Variants in ANKRD11 observed in about 807,000 individuals in gnomAD.
ANKRD11 encodes the protein ankyrin repeat domain-containing protein 11.
A neutral mutation model predicts 195.7 loss-of-function variants in ANKRD11; 17 were observed. That is an observed-to-expected ratio of 0.09 (90% CI 0.06 to 0.13). ANKRD11 has a LOEUF of 0.13. Ranked by LOEUF, ANKRD11 falls within the 10% of genes least tolerant of loss-of-function variation. The pLI is 1.00. For missense variants in ANKRD11, 3,735 were observed against 3,566.1 expected, an observed-to-expected ratio of 1.05 and a Z score of -1.21; for synonymous variants, 1,953 against 1,528.1, an observed-to-expected ratio of 1.28 and a Z score of -6.49.
intron 2 of ANKRD11, among the ~76,000 whole-genome samples, chr16:89,387,260 G>C (rs1392308176): frequency 2.0e-5 from 3 of 152,032 alleles, no homozygotes; most frequent in Non-Finnish European, 4.4e-5. Flanking sequence ...TCAAGGGAGA[G>C]GCCTGAATGG....
Position 89,283,483 on chromosome 16 carries a change from T to C in ANKRD11, c.3059A>G (p.Lys1020Arg), listed in dbSNP as rs775089317. 6.2e-7 allele frequency: 1 copy of C among 1,614,188 alleles called. No individual in the cohort carries two copies. The highest frequency in any genetic ancestry group is 1.1e-5 in the South Asian group (1 of 91,084). ...GTATCTTTCTGGTTTTGTCTTCTCC[T>C]TCCTTTCCTTATCGGGGCCATCCTT... ...EKKDGPDKER[K>R]EKTKPERYKE... is the part of the protein sequence containing the mutation. Residue 1020 changes from lysine (K) to arginine (R), a missense_variant, in exon 9 of 13, where the codon AAG (lysine) becomes AGG (arginine). Lys to Arg is a conservative substitution (Grantham distance 26). Transcript: ENST00000301030. This position sits in a 1 kb window ranked among gnomAD's most constrained non-coding sequence, Gnocchi z 4.3.
chr16:89,366,640 C>T (rs1042293695), intron 2 of ANKRD11, among the ~76,000 whole-genome samples: 13 of 152,184 alleles, frequency 8.5e-5, no homozygotes, highest in African/African-American at 2.7e-4. Context: ...TTGGCTAACC[C>T]GAGCTGTTTC....
At chr16:89,286,251 TA>T (rs1339390642) in intron 7 of ANKRD11, 65 bp from the exon 8 acceptor site, 33 of 1,596,162 alleles carry the variant, frequency 2.1e-5, no homozygotes, top group Non-Finnish European at 2.8e-5. Context: ...CCGTTCCGCA[TA>T]ACACGGCAGC....
At chr16:89,346,758 T>A (rs1225194081) in intron 2 of ANKRD11, among the ~76,000 whole-genome samples, 1 of 152,238 alleles carries the variant, frequency 6.6e-6, no homozygotes, top group Non-Finnish European at 1.5e-5. Flanking sequence ...AATGTATTTA[T>A]ATTTATCGCT....
chr16:89,358,926 A>G (rs2039608878), intron 2 of ANKRD11, among the ~76,000 whole-genome samples: 1 of 152,142 alleles, frequency 6.6e-6, no homozygotes, highest in Non-Finnish European at 1.5e-5. Flanking sequence ...CCTGGGCTCA[A>G]GTGATCCTCC....
At chr16:89,355,724 G>A (rs1008021719) in intron 2 of ANKRD11, among the ~76,000 whole-genome samples, 2 of 152,214 alleles carry the variant, frequency 1.3e-5, no homozygotes, top group African/African-American at 4.8e-5. Context: ...ATCTTGTTAT[G>A]AGCATCCACC....
Position 89,283,156 on chromosome 16 carries a change from C to A in ANKRD11, c.3386G>T (p.Ser1129Ile), listed in dbSNP as rs2034403908. 1 of 1,614,066 alleles carries A rather than the reference C, an allele frequency of 6.2e-7. No homozygotes were observed. Among genetic ancestry groups the A allele is most frequent in the Non-Finnish European group, 8.5e-7 (1 of 1,180,034 alleles). Residue 1129 changes from serine to isoleucine, a missense_variant, in exon 9 of 13, where the codon AGC becomes ATC. By Grantham distance (142) the Ser-to-Ile change is moderately radical. Coordinates refer to ENST00000301030, the MANE Select transcript of ANKRD11 (RefSeq NM_013275.6). The surrounding 1 kb of genome is among the most constrained non-coding windows in gnomAD (Gnocchi z 4.3). ...CATCTTGAACCCGCTCCCCATGCAG[C>A]TGTCTCTGTCGTCCTCACTCTCATC... is the stretch of plus-strand genomic sequence containing the variant. ...FTDESEDDRDSCMGSGFKMGE... is the reference protein window; with the variant it reads ...FTDESEDDRDICMGSGFKMGE...
intron 2 of ANKRD11, among the ~76,000 whole-genome samples, chr16:89,343,112 C>T (rs1018334293): frequency 1.3e-5 from 2 of 152,122 alleles, no homozygotes; most frequent in African/African-American, 2.4e-5. Context: ...CCTCAGCCTC[C>T]CGAGTAGCTG....
rs143296777 is a variant in ANKRD11 at position 89,356,018 on chromosome 16, C to T, written c.-59-38940G>A. Among the ~76,000 whole-genome samples the T allele has an allele frequency of 7.5e-3, 1,147 of 152,260 alleles. 12 individuals are homozygous for T. The highest frequency in any genetic ancestry group is 0.024 in the African/African-American group (1,013 of 41,556). ...ATGAGCCCCGCCCTGGGGGCTGAGGCGACAGTGAGCCCAGATAGCGCCCCT... is the reference window on the plus strand; with the variant it reads ...ATGAGCCCCGCCCTGGGGGCTGAGGTGACAGTGAGCCCAGATAGCGCCCCT... On this transcript the variant is annotated intron_variant, in intron 2 of 12. Coordinates refer to ENST00000301030, the MANE Select transcript of ANKRD11 (RefSeq NM_013275.6).
chr16:89,406,401 C>A (rs1009079942), intron 2 of ANKRD11, among the ~76,000 whole-genome samples: 1 of 152,208 alleles, frequency 6.6e-6, no homozygotes, highest in East Asian at 1.9e-4. Flanking sequence ...CCAGCCGGCG[C>A]GCTCTGAGAC....
At position 89,365,778 on chromosome 16, in the gene ANKRD11, A is replaced by G. The variant is rs376379658; in HGVS notation, c.-59-48700T>C. The stretch of plus-strand genomic sequence containing the variant: ...GTTACGTAGGTAAACTTGTGTCATC[A>G]GGGTTTGTTGAACAGACTATTTCAT... On this transcript the variant is annotated intron_variant, in intron 2 of 12. Coordinates refer to ENST00000301030, the MANE Select transcript of ANKRD11 (RefSeq NM_013275.6). Among the ~76,000 whole-genome samples, 116 of 152,200 alleles carry G rather than the reference A, an allele frequency of 7.6e-4. 2 individuals are homozygous for G. The South Asian group carries it at 0.024, about 31-fold the overall frequency.
At chr16:89,278,496 G>A (rs1312058183) in intron 9 of ANKRD11, 1 of 456,030 alleles carries the variant, frequency 2.2e-6, no homozygotes, top group Admixed American at 2.3e-5. Context: ...AGCCTGCAGA[G>A]GTAGGGATGA....
At chr16:89,453,397 A>G (rs2056280840) in intron 1 of ANKRD11, among the ~76,000 whole-genome samples, 1 of 152,212 alleles carries the variant, frequency 6.6e-6, no homozygotes, top group Admixed American at 6.5e-5. Context: ...AGTTTCCTCA[A>G]AATTTCTAAT....
chr16:89,370,002 C>A (rs1217719041), intron 2 of ANKRD11, among the ~76,000 whole-genome samples: 1 of 152,204 alleles, frequency 6.6e-6, no homozygotes, highest in Non-Finnish European at 1.5e-5. Flanking sequence ...GGGGGCCTGG[C>A]CCCTTCAGGA....
intron 7 of ANKRD11, chr16:89,287,430 G>A: frequency 4.3e-6 from 1 of 233,606 alleles, no homozygotes; most frequent in Non-Finnish European, 8.7e-6. Flanking sequence ...CGTAATTCCA[G>A]GGTCCTTGAC....
chr16:89,276,961 C>G (rs559000619), intron 9 of ANKRD11, among the ~76,000 whole-genome samples: 1 of 151,308 alleles, frequency 6.6e-6, no homozygotes, highest in African/African-American at 2.4e-5. Flanking sequence ...GAGGCTGAGG[C>G]AGGAGAATTG....
At chr16:89,360,276 T>C (rs71396909) in intron 2 of ANKRD11, among the ~76,000 whole-genome samples, 1 of 152,212 alleles carries the variant, frequency 6.6e-6, no homozygotes, top group South Asian at 2.1e-4. Context: ...TCTTATTTTG[T>C]ATTAGGGATG....
chr16:89,281,235 A>G lies in ANKRD11; in HGVS notation c.5307T>C (p.Ser1769=), dbSNP rs764834945. ...CCTGGCTGGCGTTTTCCGAAAGCCC[A>G]CTTGAAGCCACGGAGAACCTGTCGA... ...SFFDRFSVAS[S]GLSENASQAP... Residue 1769 remains serine (S), a synonymous_variant, in exon 9 of 13, where the codon AGT becomes AGC. Coordinates refer to ENST00000301030, the MANE Select transcript of ANKRD11 (RefSeq NM_013275.6). This position sits in a 1 kb window ranked among gnomAD's most constrained non-coding sequence, Gnocchi z 5.5. The G allele has an allele frequency of 1.2e-6, 2 of 1,614,064 alleles. No individual in the cohort carries two copies. The highest frequency in any genetic ancestry group is 1.7e-6 in the Non-Finnish European group (2 of 1,180,040).
At chr16:89,411,918 G>C (rs1273427143) in intron 2 of ANKRD11, among the ~76,000 whole-genome samples, 1 of 150,814 alleles carries the variant, frequency 6.6e-6, no homozygotes, top group Admixed American at 6.6e-5. Context: ...GCCAGGTACT[G>C]GGGTGAGATG....
Sources: allele counts gnomAD v4.1 joint callset (sites outside exome capture counted in the v4.1 genomes callset), GRCh38; gene constraint gnomAD v4.1.1; non-coding constraint Gnocchi (gnomAD v3.1); transcripts MANE v1.5; gene names NCBI Gene and HGNC (gene_info 2026-07-23, HGNC 2026-07-21).